OXR1: variants seen among roughly 807,000 people sequenced by gnomAD.
The protein encoded by OXR1 is oxidation resistance protein 1.
In OXR1, 41 loss-of-function variants were observed where a neutral mutation model predicts 104.6. The observed-to-expected ratio is 0.39, with a 90% confidence interval of 0.31 to 0.51. The LOEUF (loss-of-function observed/expected upper bound fraction) is 0.51. Among genes scored for constraint, OXR1 ranks in the 20% least tolerant of loss-of-function variants. The pLI, the probability that OXR1 is intolerant of heterozygous loss-of-function variation, is 0.77. For synonymous variants in OXR1, 348 were observed against 348.4 expected (o/e 1.00, Z 0.01); for missense variants, 955 against 1,031.9 (o/e 0.93, Z 1.02).
chr8:106,474,012 T>TACACACACACAC (rs199751152), intron 2 of OXR1, among the ~76,000 whole-genome samples: 2 of 137,414 alleles, frequency 1.5e-5, no homozygotes, highest in Admixed American at 7.4e-5. Context: ...TGTATATTTA[T>TACACACACACAC]ACACACACAC....
intron 3 of OXR1, among the ~76,000 whole-genome samples, chr8:106,567,947 A>G (rs922961411): frequency 3.3e-5 from 5 of 152,158 alleles, no homozygotes; most frequent in Admixed American, 6.6e-5. Flanking sequence ...AAATTATGAC[A>G]TGTTATAATC....
At chr8:106,549,202 C>T (rs1482439891) in intron 3 of OXR1, among the ~76,000 whole-genome samples, 2 of 152,046 alleles carry the variant, frequency 1.3e-5, no homozygotes, top group Non-Finnish European at 2.9e-5. Flanking sequence ...ACTGCAAAAC[C>T]CCCAGGCCCC....
At chr8:106,341,664 C>G (rs951101307) in intron 1 of OXR1, among the ~76,000 whole-genome samples, 4 of 152,130 alleles carry the variant, frequency 2.6e-5, no homozygotes, top group Non-Finnish European at 4.4e-5. Flanking sequence ...ATCCACCTGA[C>G]TGCTAACCAA....
intron 2 of OXR1, among the ~76,000 whole-genome samples, chr8:106,369,385 GA>G (rs1375458309): frequency 6.6e-6 from 1 of 152,142 alleles, no homozygotes; most frequent in African/African-American, 2.4e-5. Flanking sequence ...TTGCTGTGTA[GA>G]AGCTCATTAT....
At chr8:106,589,336 G>A (rs898700220) in intron 3 of OXR1, among the ~76,000 whole-genome samples, 13 of 138,342 alleles carry the variant, frequency 9.4e-5, no homozygotes, top group African/African-American at 3.4e-4. Flanking sequence ...TCTGGCCCTG[G>A]AGCCTTTTTT....
rs138183994 is a variant in OXR1, at chr8:106,271,512, G to A, written c.-139+1145G>A. 1.2e-4 allele frequency among the ~76,000 whole-genome samples: 19 copies of A among 152,218 alleles called. No individual in the cohort carries two copies. In the East Asian group the frequency reaches 3.7e-3, roughly 30 times the overall value. On this transcript the variant is annotated intron_variant, in intron 1 of 16. Transcript: ENST00000517566. Reference sequence around the variant, plus strand: ...TTTTTGGCCGGGAAGTCAGGCAGAAGTCTGCAGCGTGCAACTCGCAGCGGG... The same window carrying A: ...TTTTTGGCCGGGAAGTCAGGCAGAAATCTGCAGCGTGCAACTCGCAGCGGG...
chr8:106,625,114 T>C (rs926503263), intron 3 of OXR1, among the ~76,000 whole-genome samples: 1 of 152,156 alleles, frequency 6.6e-6, no homozygotes, highest in African/African-American at 2.4e-5. Context: ...ATTTCTGTTT[T>C]GTGGATAAGG....
intron 1 of OXR1, among the ~76,000 whole-genome samples, chr8:106,321,883 A>G (rs1487731590): frequency 1.3e-5 from 2 of 152,248 alleles, no homozygotes; most frequent in African/African-American, 2.4e-5. Context: ...CTAGTTTACT[A>G]GTTGAAAGAT....
chr8:106,448,186 G>T, intron 2 of OXR1: 1 of 1,083,808 alleles, frequency 9.2e-7, no homozygotes, highest in Non-Finnish European at 1.3e-6. Context: ...GGACCAAACA[G>T]ATGGATTTCT....
At chr8:106,634,886 T>C (rs1041425358) in intron 3 of OXR1, among the ~76,000 whole-genome samples, 2 of 151,562 alleles carry the variant, frequency 1.3e-5, no homozygotes, top group African/African-American at 4.9e-5. Context: ...TGGTCCACTT[T>C]GAGTCCAGCA....
rs1016247013 is a variant in OXR1 at position 106,697,531 on chromosome 8, T to G, written c.675+4654T>G. On this transcript the variant is annotated intron_variant, in intron 7 of 16. Coordinates refer to ENST00000517566, the MANE Select transcript of OXR1 (RefSeq NM_001198533.2). Reference sequence around the variant, plus strand: ...CTCTTGCAGCTGGTTATCCGAGAAGTTCCGAGGATTCTCCTTGGATTTCTT... The same window carrying G: ...CTCTTGCAGCTGGTTATCCGAGAAGGTCCGAGGATTCTCCTTGGATTTCTT... 8 of 1,610,974 alleles carry G rather than the reference T, an allele frequency of 5.0e-6. No individual in the cohort carries two copies. The African/African-American group carries it at 9.3e-5, about 19-fold the overall frequency.
chr8:106,432,060 C>A (rs1819381397), intron 2 of OXR1, among the ~76,000 whole-genome samples: 1 of 152,176 alleles, frequency 6.6e-6, no homozygotes, highest in Non-Finnish European at 1.5e-5. Context: ...ATTTTATCTA[C>A]AAATAATATA....
At chr8:106,509,119 C>T (rs1022935905) in intron 2 of OXR1, among the ~76,000 whole-genome samples, 4 of 152,248 alleles carry the variant, frequency 2.6e-5, no homozygotes, top group East Asian at 1.9e-4. Context: ...GTGGCAATAG[C>T]GTGTTACAAA....
chr8:106,389,980 TG>T (rs1817529639), intron 2 of OXR1, among the ~76,000 whole-genome samples: 1 of 151,978 alleles, frequency 6.6e-6, no homozygotes, highest in South Asian at 2.1e-4. Context: ...GCAGAAGAAT[TG>T]CTTGAACCCG....
intron 2 of OXR1, among the ~76,000 whole-genome samples, chr8:106,467,751 C>T (rs931406158): frequency 6.6e-6 from 1 of 151,904 alleles, no homozygotes; most frequent in African/African-American, 2.4e-5. Context: ...GAGCACAAGA[C>T]ATCCATGGAG....
At chr8:106,461,911 G>A (rs1670387) in intron 2 of OXR1, among the ~76,000 whole-genome samples, 77,521 of 152,028 alleles carry the variant, frequency 0.51, 22,498 homozygotes, top group African/African-American at 0.78. Flanking sequence ...ACCTAAAGAT[G>A]CAACATGAAC....
At chr8:106,499,320 A>G (rs1332602563) in intron 2 of OXR1, among the ~76,000 whole-genome samples, 1 of 152,202 alleles carries the variant, frequency 6.6e-6, no homozygotes, top group Non-Finnish European at 1.5e-5. Context: ...ATTCTTATGA[A>G]AAATGTTATT....
intron 1 of OXR1, among the ~76,000 whole-genome samples, chr8:106,347,212 T>A (rs1815530555): frequency 6.6e-6 from 1 of 152,230 alleles, no homozygotes; most frequent in Admixed American, 6.5e-5. Context: ...CGTTGTATAT[T>A]TTCCAATAAT....
Position 106,448,103 on chromosome 8 carries a change from A to G in OXR1, c.24-70840A>G, listed in dbSNP as rs542390923. On this transcript the variant is annotated intron_variant, in intron 2 of 16. Transcript: ENST00000517566. The stretch of plus-strand genomic sequence containing the variant: ...TGTTACTTCCTGTGTTATGAAGAAA[A>G]CGTTTCCTAGTTCCATTATAAAATA... The G allele has an allele frequency of 3.9e-6, 6 of 1,522,908 alleles. No individual in the cohort carries two copies. In the South Asian group the frequency reaches 7.2e-5, roughly 18 times the overall value. 94.3% of individuals were successfully genotyped at this position (1,522,908 alleles called of 1,614,324 possible).
Sources: allele counts gnomAD v4.1 joint callset (sites outside exome capture counted in the v4.1 genomes callset), GRCh38; gene constraint gnomAD v4.1.1; transcripts MANE v1.5; gene names NCBI Gene and HGNC (gene_info 2026-07-23, HGNC 2026-07-21).